The following GPR107 variants were observed in gnomAD, a reference collection of about 807,000 sequenced individuals.
GPR107 encodes G protein-coupled receptor 107.
GPR107 carries 31 observed loss-of-function variants against 75.5 expected under a neutral mutation model. The observed-to-expected ratio is 0.41, with a 90% CI of 0.31 to 0.55. GPR107 has a LOEUF of 0.55. Ranked by LOEUF, GPR107 falls within the 20% of genes least tolerant of loss-of-function variation. GPR107 has a pLI of 0.26. For missense variants in GPR107, 572 were observed against 665.7 expected (o/e 0.86, Z 1.55); for synonymous variants, 267 against 251.3 (o/e 1.06, Z -0.59).
chr9:130,061,264 A>G (rs1829919251), intron 1 of GPR107, among the ~76,000 whole-genome samples: 1 of 152,206 alleles, frequency 6.6e-6, no homozygotes, highest in African/African-American at 2.4e-5. Context: ...GTAATTTAAA[A>G]ATGGGATAAA....
intron 1 of GPR107, among the ~76,000 whole-genome samples, chr9:130,070,968 C>G (rs1278336280): frequency 6.6e-6 from 1 of 151,544 alleles, no homozygotes; most frequent in Non-Finnish European, 1.5e-5. Flanking sequence ...ACCCTCCCAC[C>G]TCAGCCTCCC....
At chr9:130,108,728 A>T in intron 14 of GPR107, 1 of 456,054 alleles carries the variant, frequency 2.2e-6, no homozygotes, top group South Asian at 1.5e-5. Context: ...TAGTCCTGGG[A>T]ATAGCCCTTC....
chr9:130,068,061 G>A (rs867335471), intron 1 of GPR107, among the ~76,000 whole-genome samples: 39 of 145,716 alleles, frequency 2.7e-4, no homozygotes, highest in African/African-American at 8.8e-4. Flanking sequence ...TCTTATTCTT[G>A]TTTTCTTTTT....
Position 130,137,675 on chromosome 9 carries a change from C to CCCA in GPR107, c.*2557_*2559dup, listed in dbSNP as rs1353886078. 1 of 152,244 alleles carries CCCA rather than the reference C, an allele frequency of 6.6e-6. No individual in the cohort carries two copies. The highest frequency in any genetic ancestry group is 1.5e-5 in the Non-Finnish European group (1 of 68,050). 9.4% of individuals were successfully genotyped at this position (152,244 alleles called of 1,614,324 possible). On this transcript the variant is annotated 3_prime_UTR_variant, in exon 18 of 18. Coordinates refer to ENST00000347136, the MANE Select transcript of GPR107 (RefSeq NM_020960.5). ...TTTCTCCTTCACGTCATAGCCGTGA[C>CCCA]CCACCGTTCATCTCTGCTCTTGCGT...
At chr9:130,073,667 T>C (rs778964604) in intron 1 of GPR107, among the ~76,000 whole-genome samples, 46 of 152,118 alleles carry the variant, frequency 3.0e-4, no homozygotes, top group Non-Finnish European at 4.9e-4. Flanking sequence ...TGAAACTCCA[T>C]TGGGGAAAGA....
intron 14 of GPR107, among the ~76,000 whole-genome samples, chr9:130,109,805 G>A (rs1007938235): frequency 2.0e-5 from 3 of 151,786 alleles, no homozygotes; most frequent in Non-Finnish European, 2.9e-5. Flanking sequence ...TCCTGACCTC[G>A]CGATCCACCT....
At chr9:130,060,303 T>A (rs1456458763) in intron 1 of GPR107, among the ~76,000 whole-genome samples, 1 of 152,062 alleles carries the variant, frequency 6.6e-6, no homozygotes, top group Non-Finnish European at 1.5e-5. Flanking sequence ...CCTCAGATGT[T>A]CTGCCCACTT....
intron 8 of GPR107, 51 bp downstream of exon 8, chr9:130,091,034 G>T: frequency 1.3e-6 from 1 of 792,594 alleles, no homozygotes; most frequent in South Asian, 1.4e-5. Context: ...GCATAAAACG[G>T]GAGATTTGTT....
At position 130,128,731 on chromosome 9, in the gene GPR107, AG is replaced by A; in HGVS notation, c.1534del (p.Glu512LysfsTer11). ...GATAACCCCTACCTACAACTTTCTC[AG>A]GAAGAAGAAGACTTGGAAATGGAGT... is the stretch of plus-strand genomic sequence containing the variant. Reference protein sequence around the residue: ...ASDNPYLQLSQEEEDLEMESV... With the variant: ...ASDNPYLQLSXEEEDLEMESV... On this transcript the variant is annotated frameshift_variant, in exon 17 of 18. Coordinates refer to ENST00000347136, the MANE Select transcript of GPR107 (RefSeq NM_020960.5). LOFTEE classifies it high-confidence loss of function. 1 of 1,613,450 alleles carries A rather than the reference AG, an allele frequency of 6.2e-7. No homozygotes were observed. The highest frequency in any genetic ancestry group is 8.5e-7 in the Non-Finnish European group (1 of 1,179,318).
chr9:130,084,353 G>A (rs994351790), intron 6 of GPR107, among the ~76,000 whole-genome samples: 110 of 151,246 alleles, frequency 7.3e-4, no homozygotes, highest in Admixed American at 1.6e-3. Context: ...AGCCAAGATC[G>A]CGCTACTGCA....
intron 14 of GPR107, among the ~76,000 whole-genome samples, chr9:130,117,665 C>G (rs1831457863): frequency 6.6e-6 from 1 of 152,198 alleles, no homozygotes. Flanking sequence ...TAACGCCAGC[C>G]AGGCTGTCCA....
At chr9:130,081,240 T>G (rs1830488299) in intron 5 of GPR107, among the ~76,000 whole-genome samples, 1 of 152,038 alleles carries the variant, frequency 6.6e-6, no homozygotes, top group South Asian at 2.1e-4. Context: ...GCTTATACAA[T>G]GTTTTTCTCA....
chr9:130,069,064 G>C (rs1005181712), intron 1 of GPR107, among the ~76,000 whole-genome samples: 2 of 152,052 alleles, frequency 1.3e-5, no homozygotes, highest in African/African-American at 4.8e-5. Context: ...TTATTTGGTT[G>C]TAAAAAGTAT....
chr9:130,125,280 C>T (rs1473488858), intron 15 of GPR107, among the ~76,000 whole-genome samples: 5 of 151,396 alleles, frequency 3.3e-5, no homozygotes, highest in Non-Finnish European at 7.4e-5. Context: ...CAGGGTTTCG[C>T]AAAGTTGGCC....
chr9:130,076,275 A>T lies in GPR107; in HGVS notation c.256-137A>T, dbSNP rs1589492258. On this transcript the variant is annotated intron_variant, in intron 2 of 17. Transcript: ENST00000347136. ...TTAGTGACTTTGCTTGAGTGATTTT[A>T]CTTTGCCTTCTTACAAAATGAATGC... 8.7e-6 allele frequency: 5 copies of T among 575,426 alleles called. No individual in the cohort carries two copies. The East Asian group carries it at 1.4e-4, about 16-fold the overall frequency. 35.6% of individuals were successfully genotyped at this position (575,426 alleles called of 1,614,324 possible).
rs983017332 is a variant in GPR107, at chr9:130,111,987, C to A, written c.1306+4448C>A. Among the ~76,000 whole-genome samples the A allele has an allele frequency of 3.3e-5, 5 of 152,164 alleles. No homozygotes were observed. The South Asian group carries it at 1.0e-3, about 32-fold the overall frequency. ...ACACCTAGCGCTGGCTCCACTCTGT[C>A]TCGCCTGCTAAGATTTACTGGCTCT... On this transcript the variant is annotated intron_variant, in intron 14 of 17. Transcript: ENST00000347136.
At chr9:130,121,425 C>T (rs1223927552) in intron 14 of GPR107, among the ~76,000 whole-genome samples, 3 of 152,184 alleles carry the variant, frequency 2.0e-5, no homozygotes, top group African/African-American at 7.2e-5. Flanking sequence ...TCCTGGGGCG[C>T]AGGTTGGACA....
intron 5 of GPR107, 112 bp downstream of exon 5, chr9:130,079,881 AT>A (rs1186583016): frequency 6.8e-6 from 4 of 587,294 alleles, no homozygotes; most frequent in Non-Finnish European, 1.1e-5. Flanking sequence ...TTAGCATTAT[AT>A]TTTGGAAGTT....
At chr9:130,072,296 G>A (rs1830228870) in intron 1 of GPR107, among the ~76,000 whole-genome samples, 2 of 149,742 alleles carry the variant, frequency 1.3e-5, no homozygotes, top group African/African-American at 4.9e-5. Context: ...TCGGCTCACT[G>A]CAGGCTCCGC....
Sources: gnomAD v4.1 joint callset for allele counts (sites outside exome capture counted in the v4.1 genomes callset) on GRCh38, gnomAD v4.1.1 for gene constraint, MANE v1.5 for transcripts, NCBI Gene and HGNC (gene_info 2026-07-23, HGNC 2026-07-21) for gene names.